Variants in SGCZ observed in about 807,000 individuals in gnomAD.
The protein encoded by SGCZ is sarcoglycan zeta, also known as zeta-sarcoglycan.
In SGCZ, 40 loss-of-function variants were observed where a neutral mutation model predicts 41.3. The observed-to-expected ratio is 0.97, with a 90% CI of 0.75 to 1.26. SGCZ has a LOEUF of 1.26. Ranked by LOEUF, SGCZ falls within the 50% of genes most tolerant of loss-of-function variation. The probability of loss-of-function intolerance (pLI) is 0.00; values close to 1 mark genes in which losing one functional copy is unlikely to be tolerated. For synonymous variants in SGCZ, 206 were observed against 137.5 expected (o/e 1.50, Z -3.49); for missense variants, 552 against 369.8 (o/e 1.49, Z -4.04).
intron 1 of SGCZ, among the ~76,000 whole-genome samples, chr8:15,008,952 T>C (rs951629954): frequency 6.6e-6 from 1 of 152,170 alleles, no homozygotes; most frequent in Non-Finnish European, 1.5e-5. Flanking sequence ...CAAACACACA[T>C]GCACACACAA....
intron 3 of SGCZ, among the ~76,000 whole-genome samples, chr8:14,267,105 T>G (rs1162947197): frequency 6.6e-6 from 1 of 152,142 alleles, no homozygotes; most frequent in Non-Finnish European, 1.5e-5. Context: ...ATGAGTGTGG[T>G]AGATAATAGT....
chr8:14,720,453 C>T (rs1274467230), intron 1 of SGCZ, among the ~76,000 whole-genome samples: 2 of 152,028 alleles, frequency 1.3e-5, no homozygotes, highest in South Asian at 2.1e-4. Flanking sequence ...GTAGTATTGC[C>T]AATATTGCCA....
intron 2 of SGCZ, among the ~76,000 whole-genome samples, chr8:14,511,586 A>AT (rs2117076476): frequency 6.6e-6 from 1 of 152,208 alleles, no homozygotes; most frequent in East Asian, 1.9e-4. Context: ...AAATATTAAG[A>AT]TTTTTGGATT....
At chr8:14,283,005 A>T (rs1299774563) in intron 3 of SGCZ, among the ~76,000 whole-genome samples, 4 of 150,142 alleles carry the variant, frequency 2.7e-5, no homozygotes, top group Admixed American at 2.0e-4. Flanking sequence ...GCCCGCCACC[A>T]CGCCCGGCTA....
At chr8:15,024,888 A>C (rs7388523) in intron 1 of SGCZ, among the ~76,000 whole-genome samples, 1 of 151,574 alleles carries the variant, frequency 6.6e-6, no homozygotes, top group African/African-American at 2.4e-5. Context: ...GTGAGCCGAG[A>C]TGGCGCCACT....
chr8:14,166,809 G>A (rs1434642898), intron 4 of SGCZ, among the ~76,000 whole-genome samples: 1 of 152,086 alleles, frequency 6.6e-6, no homozygotes, highest in African/African-American at 2.4e-5. Flanking sequence ...AGAGGTGTCT[G>A]GATATGGTGA....
chr8:15,004,328 A>C (rs527625247), intron 1 of SGCZ, among the ~76,000 whole-genome samples: 8 of 152,282 alleles, frequency 5.3e-5, no homozygotes, highest in Admixed American at 5.2e-4. Context: ...AGGCCCACGC[A>C]TGTGCACCAA....
intron 1 of SGCZ, among the ~76,000 whole-genome samples, chr8:14,995,260 T>C (rs758847975): frequency 2.6e-5 from 4 of 152,212 alleles, no homozygotes; most frequent in Admixed American, 6.5e-5. Flanking sequence ...ATTAGAAGTA[T>C]GGGAGACAAG....
At chr8:14,229,179 A>T (rs1806475566) in intron 4 of SGCZ, among the ~76,000 whole-genome samples, 1 of 152,160 alleles carries the variant, frequency 6.6e-6, no homozygotes, top group African/African-American at 2.4e-5. Flanking sequence ...TTGTCAATTT[A>T]ATTAAATATT....
chr8:14,125,332 T>C (rs937826668), intron 5 of SGCZ, among the ~76,000 whole-genome samples: 1 of 151,916 alleles, frequency 6.6e-6, no homozygotes, highest in Non-Finnish European at 1.5e-5. Flanking sequence ...TGAAACCCCG[T>C]CTTTACTAAA....
At chr8:15,211,466 C>G (rs761294739) in intron 1 of SGCZ, among the ~76,000 whole-genome samples, 16 of 152,098 alleles carry the variant, frequency 1.1e-4, no homozygotes, top group Non-Finnish European at 1.9e-4. Flanking sequence ...CCTTCATTAT[C>G]TACCCAACCA....
At chr8:14,516,675 A>G (rs932081378) in intron 2 of SGCZ, among the ~76,000 whole-genome samples, 3 of 151,986 alleles carry the variant, frequency 2.0e-5, no homozygotes, top group Non-Finnish European at 4.4e-5. Context: ...GATTTGCTCT[A>G]ACTGTTTTTC....
Position 14,809,752 on chromosome 8 carries a change from C to A in SGCZ, c.40-254826G>T, listed in dbSNP as rs148465052. 2.9e-3 allele frequency among the ~76,000 whole-genome samples: 434 copies of A among 152,218 alleles called. 2 individuals are homozygous for A. The highest frequency in any genetic ancestry group is 9.9e-3 in the African/African-American group (411 of 41,560). On this transcript the variant is annotated intron_variant, in intron 1 of 7. Transcript: ENST00000382080. Reference sequence around the variant, plus strand: ...GCAGTACCCATGAGGGAGGACTGTGCACTATCTGGGAAAAACTTTCTATGA... The same window carrying A: ...GCAGTACCCATGAGGGAGGACTGTGAACTATCTGGGAAAAACTTTCTATGA...
At chr8:14,454,046 G>C (rs1168029717) in intron 2 of SGCZ, among the ~76,000 whole-genome samples, 1 of 152,092 alleles carries the variant, frequency 6.6e-6, no homozygotes, top group Non-Finnish European at 1.5e-5. Flanking sequence ...TACCCCAAAA[G>C]GATATTGACC....
intron 2 of SGCZ, among the ~76,000 whole-genome samples, chr8:14,492,990 C>T (rs1801884275): frequency 6.6e-6 from 1 of 152,054 alleles, no homozygotes; most frequent in Admixed American, 6.6e-5. Flanking sequence ...GATCTAACCC[C>T]CCAACTCTCT....
intron 1 of SGCZ, among the ~76,000 whole-genome samples, chr8:14,617,957 A>G (rs1298030415): frequency 6.6e-6 from 1 of 152,054 alleles, no homozygotes; most frequent in East Asian, 1.9e-4. Context: ...TAAAATAGAT[A>G]TTATTTCCCT....
intron 1 of SGCZ, among the ~76,000 whole-genome samples, chr8:14,793,688 G>A (rs1292647108): frequency 1.3e-5 from 2 of 152,020 alleles, no homozygotes; most frequent in Non-Finnish European, 2.9e-5. Flanking sequence ...GGTAGGCATG[G>A]GTGAAACTGT....
At chr8:14,671,119 C>T (rs1218337070) in intron 1 of SGCZ, among the ~76,000 whole-genome samples, 3 of 152,212 alleles carry the variant, frequency 2.0e-5, no homozygotes, top group African/African-American at 7.2e-5. Context: ...TTCCTCTGGA[C>T]TTCAGCTTCA....
rs562655342 is a variant in SGCZ at position 14,263,566 on chromosome 8, C to A, written c.337-25887G>T. ...TCTGTCTCAAAAAATACGTATATAA[C>A]TAAATAAAATAAATGAATAAATACA... On this transcript the variant is annotated intron_variant, in intron 3 of 7. Transcript: ENST00000382080. Among the ~76,000 whole-genome samples the A allele has an allele frequency of 3.6e-3, 540 of 151,996 alleles. 5 individuals are homozygous for A. The highest frequency in any genetic ancestry group is 0.012 in the African/African-American group (511 of 41,444).
Sources: allele counts gnomAD v4.1 joint callset (sites outside exome capture counted in the v4.1 genomes callset), GRCh38; gene constraint gnomAD v4.1.1; transcripts MANE v1.5; gene names NCBI Gene and HGNC (gene_info 2026-07-23, HGNC 2026-07-21).